Variants in CTBP2 observed in about 807,000 individuals in gnomAD.
The protein encoded by CTBP2 is C-terminal-binding protein 2.
CTBP2 carries 30 observed loss-of-function variants against 80.3 expected under a neutral mutation model. The ratio of observed to expected loss-of-function variants is 0.37; its 90% CI spans 0.28 to 0.51. The LOEUF (loss-of-function observed/expected upper bound fraction) is 0.51. CTBP2 is among the 20% of genes least tolerant of loss of function. The pLI is 0.93. For synonymous variants in CTBP2, 594 were observed against 587.4 expected, an observed-to-expected ratio of 1.01 and a Z score of -0.16; for missense variants, 1,212 against 1,375.3, an observed-to-expected ratio of 0.88 and a Z score of 1.88.
intron 2 of CTBP2, among the ~76,000 whole-genome samples, chr10:125,042,504 C>T (rs1287229227): frequency 6.6e-6 from 1 of 152,200 alleles, no homozygotes; most frequent in Non-Finnish European, 1.5e-5. Flanking sequence ...TTCACTATTC[C>T]ACTTCTGCTG....
At chr10:125,102,699 A>G (rs1850821567) in intron 2 of CTBP2, among the ~76,000 whole-genome samples, 2 of 152,234 alleles carry the variant, frequency 1.3e-5, no homozygotes. Flanking sequence ...TTTTTTAACA[A>G]ATGTGGGACT....
chr10:125,041,710 C>G (rs1469339427), intron 2 of CTBP2, among the ~76,000 whole-genome samples: 1 of 152,076 alleles, frequency 6.6e-6, no homozygotes, highest in African/African-American at 2.4e-5. Context: ...GTGAAGACCT[C>G]GGAGATGAAA....
At chr10:125,138,118 T>C (rs940277470) in intron 1 of CTBP2, 2 of 152,146 alleles carry the variant, frequency 1.3e-5, no homozygotes, top group Non-Finnish European at 2.9e-5. Context: ...GACACACACA[T>C]GAGGAAACAA....
intron 2 of CTBP2, among the ~76,000 whole-genome samples, chr10:125,078,515 C>CT (rs71029237): frequency 0.013 from 1,958 of 146,852 alleles, 40 homozygotes; most frequent in African/African-American, 0.045. Context: ...CTTCCACAGC[C>CT]TTTTTTTTTT....
chr10:125,142,957 C>A (rs1858093673), intron 1 of CTBP2, among the ~76,000 whole-genome samples: 1 of 152,178 alleles, frequency 6.6e-6, no homozygotes, highest in South Asian at 2.1e-4. Flanking sequence ...GCTTGAAAGG[C>A]TCCTACCTTG....
chr10:125,139,979 C>G (rs1309313370), intron 1 of CTBP2, among the ~76,000 whole-genome samples: 1 of 152,124 alleles, frequency 6.6e-6, no homozygotes, highest in Non-Finnish European at 1.5e-5. Flanking sequence ...CAGCGTCTAG[C>G]ACACCCCTTC....
At chr10:125,040,454 T>TAAAAAAAAA in intron 2 of CTBP2, among the ~76,000 whole-genome samples, 1 of 104,450 alleles carries the variant, frequency 9.6e-6, no homozygotes, top group Admixed American at 1.2e-4. Context: ...ACTCTGTCTT[T>TAAAAAAAAA]AAAAAAAAAA....
Position 125,027,268 on chromosome 10 carries a change from C to T in CTBP2, c.492G>A (p.Leu164=). ...TCATTTTACCTCCAGGATCCCGGTACAGGTGACCGGCGTCCTGCAGGGCAG... is the reference window on the plus strand; with the variant it reads ...TCATTTTACCTCCAGGATCCCGGTATAGGTGACCGGCGTCCTGCAGGGCAG... Residue 164 remains leucine, a synonymous_variant, in exon 1 of 9, where the codon CTG becomes CTA. Coordinates refer to ENST00000309035, the MANE Select transcript of CTBP2 (RefSeq NM_022802.3). The T allele has an allele frequency of 1.9e-6, 3 of 1,613,696 alleles. No homozygotes were observed. The highest frequency in any genetic ancestry group is 2.5e-6 in the Non-Finnish European group (3 of 1,179,984).
chr10:125,056,570 C>T (rs111897157), intron 2 of CTBP2, among the ~76,000 whole-genome samples: 23 of 152,332 alleles, frequency 1.5e-4, no homozygotes, highest in African/African-American at 5.5e-4. Flanking sequence ...GAGTCAGGGT[C>T]ATCTGCTGAA....
intron 2 of CTBP2, among the ~76,000 whole-genome samples, chr10:125,048,991 T>C (rs954085423): frequency 9.7e-4 from 147 of 151,438 alleles, no homozygotes; most frequent in African/African-American, 3.3e-3. Flanking sequence ...GAATTGATTC[T>C]GGCCAGAATG....
chr10:125,147,084 C>T (rs534282814), intron 1 of CTBP2, among the ~76,000 whole-genome samples: 40 of 152,278 alleles, frequency 2.6e-4, no homozygotes, highest in African/African-American at 8.9e-4. Context: ...GACCGGCAAA[C>T]GCACCCATTC....
chr10:125,048,762 C>A (rs1436167519), intron 2 of CTBP2, among the ~76,000 whole-genome samples: 1 of 152,190 alleles, frequency 6.6e-6, no homozygotes, highest in Admixed American at 6.5e-5. Context: ...GAGGACGGTG[C>A]TGGGGAGGGG....
intron 1 of CTBP2, chr10:125,005,598 A>ACC (rs746553068): frequency 2.9e-5 from 47 of 1,612,408 alleles, no homozygotes; most frequent in Admixed American, 3.3e-5. Context: ...AAAGCTGGAT[A>ACC]CCCCCTCAGC....
intron 1 of CTBP2, among the ~76,000 whole-genome samples, chr10:125,147,077 C>T (rs898272632): frequency 2.0e-5 from 3 of 152,200 alleles, no homozygotes; most frequent in East Asian, 1.9e-4. Context: ...GGTCACTGAC[C>T]GGCAAACGCA....
intron 1 of CTBP2, among the ~76,000 whole-genome samples, chr10:125,144,865 G>C (rs188680251): frequency 3.2e-4 from 48 of 152,332 alleles, no homozygotes; most frequent in Middle Eastern, 3.4e-3. Context: ...TAGCAGGTAT[G>C]CTCTGACACT....
chr10:125,005,088 T>A (rs763008346), intron 1 of CTBP2, among the ~76,000 whole-genome samples: 11 of 152,196 alleles, frequency 7.2e-5, no homozygotes, highest in African/African-American at 9.6e-5. Context: ...GGGCCGTGAC[T>A]GCATCCTGTT....
At chr10:125,116,504 TA>T (rs1055653213) in intron 1 of CTBP2, among the ~76,000 whole-genome samples, 35 of 151,964 alleles carry the variant, frequency 2.3e-4, no homozygotes, top group African/African-American at 8.5e-4. Flanking sequence ...ATGGGGGTGC[TA>T]AAAGTGGGAC....
In CTBP2 at chr10:125,027,718, C is replaced by CT; in HGVS notation, c.41dup (p.Ser15GlufsTer38). On this transcript the variant is annotated frameshift_variant, in exon 1 of 9. Coordinates refer to ENST00000309035, the MANE Select transcript of CTBP2 (RefSeq NM_022802.3). LOFTEE classifies it high-confidence loss of function. ...CGTACCACCCAGCAGCATCCCAGCT[C>CT]TGAGAACGACCAATATTTATATGCC... is the stretch of plus-strand genomic sequence containing the variant. 6.2e-7 allele frequency: 1 copy of CT among 1,610,604 alleles called. No individual in the cohort carries two copies. The highest frequency in any genetic ancestry group is 2.2e-5 in the East Asian group (1 of 44,770).
chr10:125,003,314 C>A lies in CTBP2; in HGVS notation c.1833+24G>T, dbSNP rs757787645. 4.4e-6 allele frequency: 7 copies of A among 1,603,950 alleles called. No individual in the cohort carries two copies. The South Asian group carries it at 6.6e-5, about 15-fold the overall frequency. ...GAAACTGCCCAAGGTCAGTGCAGGC[C>A]CCGGCCGGGCAGGGTGGGCCCACCT... is the stretch of plus-strand genomic sequence containing the variant. On this transcript the variant is annotated intron_variant, in intron 2 of 8. Transcript: ENST00000309035.
Sources: gnomAD v4.1 joint callset for allele counts (sites outside exome capture counted in the v4.1 genomes callset) on GRCh38, gnomAD v4.1.1 for gene constraint, MANE v1.5 for transcripts, NCBI Gene and HGNC (gene_info 2026-07-23, HGNC 2026-07-21) for gene names.